Variants in GRM7 observed in about 807,000 individuals in gnomAD.
GRM7 encodes the protein metabotropic glutamate receptor 7.
A neutral mutation model predicts 84.5 loss-of-function variants in GRM7; 35 were observed. That is an observed-to-expected ratio of 0.41 (90% confidence interval 0.32 to 0.55). GRM7 has a LOEUF of 0.55. Among genes scored for constraint, GRM7 ranks in the 20% least tolerant of loss-of-function variants. The probability of loss-of-function intolerance (pLI) is 0.19; values close to 1 mark genes in which losing one functional copy is unlikely to be tolerated. For missense variants in GRM7, 1,003 were observed against 1,194.6 expected (o/e 0.84, Z 2.36); for synonymous variants, 487 against 455.1 (o/e 1.07, Z -0.89).
intron 9 of GRM7, chr3:7,693,677 C>T (rs1284511740): frequency 2.6e-5 from 39 of 1,526,388 alleles, no homozygotes; most frequent in Non-Finnish European, 3.3e-5. Context: ...GGCATCTAGT[C>T]AAGCGATTGT....
At chr3:7,612,950 G>T (rs1476271268) in intron 8 of GRM7, among the ~76,000 whole-genome samples, 1 of 152,012 alleles carries the variant, frequency 6.6e-6, no homozygotes, top group Non-Finnish European at 1.5e-5. Flanking sequence ...AATTACTTTT[G>T]CAGAGTAAAC....
intron 8 of GRM7, among the ~76,000 whole-genome samples, chr3:7,676,369 T>C (rs1415978192): frequency 6.6e-6 from 1 of 152,174 alleles, no homozygotes; most frequent in Non-Finnish European, 1.5e-5. Context: ...TTCTTAGCCT[T>C]CATACCTACA....
chr3:7,074,451 A>G (rs1443765041), intron 1 of GRM7, among the ~76,000 whole-genome samples: 1 of 152,186 alleles, frequency 6.6e-6, no homozygotes, highest in African/African-American at 2.4e-5. Flanking sequence ...CATTACTTAA[A>G]GTGTGGTCCA....
In GRM7 at chr3:6,950,659, G is replaced by A. The variant is rs530066615; in HGVS notation, c.519+88752G>A. Among the ~76,000 whole-genome samples, 4 of 152,360 alleles carry A rather than the reference G, an allele frequency of 2.6e-5. No homozygotes were observed. The South Asian group carries it at 8.3e-4, about 32-fold the overall frequency. Reference sequence around the variant, plus strand: ...TCTGTGCCCTGCCCCCAGAGGTGGAGCCTACAGAGGCAGGCAGGCCTCCTT... The same window carrying A: ...TCTGTGCCCTGCCCCCAGAGGTGGAACCTACAGAGGCAGGCAGGCCTCCTT... On this transcript the variant is annotated intron_variant, in intron 1 of 9. Coordinates refer to ENST00000357716, the MANE Select transcript of GRM7 (RefSeq NM_000844.4).
chr3:7,528,497 T>G (rs1700895578), intron 7 of GRM7, among the ~76,000 whole-genome samples: 1 of 152,034 alleles, frequency 6.6e-6, no homozygotes, highest in South Asian at 2.1e-4. Context: ...CTATGTATGA[T>G]TTTTGGGGTC....
intron 1 of GRM7, among the ~76,000 whole-genome samples, chr3:7,024,572 A>C (rs1038738258): frequency 2.0e-5 from 3 of 152,234 alleles, no homozygotes; most frequent in Admixed American, 2.0e-4. Flanking sequence ...GCATGAGGAG[A>C]GCCTTCCAGG....
Position 7,587,580 on chromosome 3 carries a change from A to G in GRM7, c.2451+8223A>G, listed in dbSNP as rs550166726. Among the ~76,000 whole-genome samples the G allele has an allele frequency of 9.8e-5, 15 of 152,322 alleles. No individual in the cohort carries two copies. The South Asian group carries it at 1.9e-3, about 19-fold the overall frequency. On this transcript the variant is annotated intron_variant, in intron 8 of 9. Coordinates refer to ENST00000357716, the MANE Select transcript of GRM7 (RefSeq NM_000844.4). ...CTGTGTGCCCTATTAAGGAGCATGC[A>G]CTTTGTTTTTTAAACAAGGAGAGAA...
At chr3:7,162,370 G>T (rs1574976646) in intron 2 of GRM7, among the ~76,000 whole-genome samples, 1 of 152,060 alleles carries the variant, frequency 6.6e-6, no homozygotes, top group East Asian at 1.9e-4. Context: ...GACGTAGAAA[G>T]AAAACAAGGA....
intron 8 of GRM7, among the ~76,000 whole-genome samples, chr3:7,677,027 C>T (rs544114737): frequency 2.0e-4 from 30 of 151,874 alleles, no homozygotes; most frequent in Non-Finnish European, 2.9e-4. Flanking sequence ...TTTGGGAGGC[C>T]GAGGCAGGAG....
intron 2 of GRM7, among the ~76,000 whole-genome samples, chr3:7,251,314 T>C (rs1305139688): frequency 6.6e-6 from 1 of 150,636 alleles, no homozygotes. Flanking sequence ...AAAAAAAAAA[T>C]GTACTAGGCT....
intron 1 of GRM7, among the ~76,000 whole-genome samples, chr3:6,882,816 TA>T (rs1402518943): frequency 6.6e-6 from 1 of 152,352 alleles, no homozygotes; most frequent in East Asian, 1.9e-4. Context: ...ATTATTTACG[TA>T]GCCAGTTTCC....
intron 7 of GRM7, among the ~76,000 whole-genome samples, chr3:7,507,188 A>G (rs1165148661): frequency 1.3e-5 from 2 of 152,198 alleles, no homozygotes; most frequent in South Asian, 2.1e-4. Flanking sequence ...GATTAAATGG[A>G]ATTTTCTCTT....
chr3:6,881,252 CA>C (rs1251316726), intron 1 of GRM7, among the ~76,000 whole-genome samples: 2 of 152,068 alleles, frequency 1.3e-5, no homozygotes, highest in African/African-American at 4.8e-5. Context: ...GTATTAAGCC[CA>C]GCATGCATTT....
chr3:7,465,710 A>G (rs911157750), intron 7 of GRM7, among the ~76,000 whole-genome samples: 5 of 152,024 alleles, frequency 3.3e-5, no homozygotes, highest in Non-Finnish European at 5.9e-5. Flanking sequence ...TACTTTTTCA[A>G]TTCTCAGTTA....
intron 2 of GRM7, among the ~76,000 whole-genome samples, chr3:7,283,980 C>G (rs900202167): frequency 5.9e-5 from 9 of 152,146 alleles, no homozygotes; most frequent in African/African-American, 1.4e-4. Context: ...CTGTCTATAA[C>G]TTTGCAAAGT....
chr3:7,587,467 G>A (rs1575527102), intron 8 of GRM7, among the ~76,000 whole-genome samples: 1 of 152,286 alleles, frequency 6.6e-6, no homozygotes, highest in African/African-American at 2.4e-5. Context: ...ATATCTGGGG[G>A]AACTGTCAGG....
At chr3:7,398,268 C>T (rs1055042867) in intron 4 of GRM7, among the ~76,000 whole-genome samples, 9 of 152,230 alleles carry the variant, frequency 5.9e-5, no homozygotes, top group East Asian at 3.9e-4. Context: ...CCACATTTTT[C>T]GCATGTGGCA....
intron 1 of GRM7, among the ~76,000 whole-genome samples, chr3:6,879,223 A>C (rs150050857): frequency 7.5e-4 from 115 of 152,352 alleles, no homozygotes; most frequent in Middle Eastern, 3.4e-3. Flanking sequence ...TAGTAGATTA[A>C]AAATTCAAAT....
intron 1 of GRM7, among the ~76,000 whole-genome samples, chr3:6,969,362 A>G (rs573998461): frequency 6.6e-6 from 1 of 152,328 alleles, no homozygotes; most frequent in South Asian, 2.1e-4. Context: ...GCAGGTAGTT[A>G]TCATTATCCC....
Sources: gnomAD v4.1 joint callset for allele counts (sites outside exome capture counted in the v4.1 genomes callset) on GRCh38, gnomAD v4.1.1 for gene constraint, MANE v1.5 for transcripts, NCBI Gene and HGNC (gene_info 2026-07-23, HGNC 2026-07-21) for gene names.